The following CNGB1 variants were observed in gnomAD, a reference collection of about 807,000 sequenced individuals.
The protein encoded by CNGB1 is cyclic nucleotide-gated channel beta-1.
Under a neutral mutation model 151.7 loss-of-function variants are expected in CNGB1, and 126 were observed. The observed-to-expected ratio is 0.83, with a 90% CI of 0.72 to 0.96. The LOEUF is 0.96. Ranked by LOEUF, CNGB1 falls within the 40% of genes least tolerant of loss-of-function variation. The pLI, the probability that CNGB1 is intolerant of heterozygous loss-of-function variation, is 0.00. For missense variants in CNGB1, 1,698 were observed against 1,627.0 expected (o/e 1.04, Z -0.75); for synonymous variants, 623 against 635.1 (o/e 0.98, Z 0.29).
In CNGB1 at chr16:57,903,869, C is replaced by A; in HGVS notation, c.2747G>T (p.Arg916Leu). Residue 916 changes from arginine to leucine, a missense_variant, in exon 27 of 33, where the codon CGC becomes CTC. By Grantham distance (102) the Arg-to-Leu change is moderately radical. Transcript: ENST00000251102. ...GGTGTACTCGTACCAGGTCTTGACG[C>A]GGTTCTGCACGGACTTGGGGATCTT... ...FYKIPKSVQNRVKTWYEYTWH... is the reference protein window; with the variant it reads ...FYKIPKSVQNLVKTWYEYTWH... 5.0e-6 allele frequency: 8 copies of A among 1,614,194 alleles called. No homozygotes were observed. Among genetic ancestry groups the A allele is most frequent in the Non-Finnish European group, 6.8e-6 (8 of 1,180,038 alleles).
chr16:57,901,761 T>C, intron 27 of CNGB1, 136 bp from the exon 28 acceptor site: 3 of 733,738 alleles, frequency 4.1e-6, no homozygotes, highest in South Asian at 1.5e-5. Flanking sequence ...GGATTTGTAG[T>C]GCACCCTCTC....
In CNGB1 at chr16:57,903,856, C is replaced by T. The variant is rs776312649; in HGVS notation, c.2760G>A (p.Trp920Ter). The change falls in exon 27 of 33, where the codon TGG becomes TGA. Residue 920 changes from tryptophan to a stop codon, truncating the protein, a stop_gained. Transcript: ENST00000251102. LOFTEE classifies it high-confidence loss of function. ...PKSVQNRVKTWYEYTWHSQGM... is the reference protein window; with the variant it reads ...PKSVQNRVKT ...CTTGCGAGTGCCAGGTGTACTCGTA[C>T]CAGGTCTTGACGCGGTTCTGCACGG... 5.0e-6 allele frequency: 8 copies of T among 1,614,156 alleles called. No individual in the cohort carries two copies. The highest frequency in any genetic ancestry group is 1.7e-5 in the Admixed American group (1 of 60,024).
chr16:57,947,862 C>G (rs1402675241), intron 14 of CNGB1, among the ~76,000 whole-genome samples: 2 of 152,214 alleles, frequency 1.3e-5, no homozygotes, highest in African/African-American at 4.8e-5. Context: ...TCTGCAGGAG[C>G]CTTTTATTAT....
At chr16:57,970,095 C>T (rs1273697055) in intron 1 of CNGB1, among the ~76,000 whole-genome samples, 3 of 152,324 alleles carry the variant, frequency 2.0e-5, no homozygotes, top group Non-Finnish European at 4.4e-5. Context: ...GCCTCTCCCA[C>T]GAGAGGCTGT....
At chr16:57,914,452 T>G (rs1960809191) in intron 23 of CNGB1, among the ~76,000 whole-genome samples, 1 of 152,240 alleles carries the variant, frequency 6.6e-6, no homozygotes, top group Non-Finnish European at 1.5e-5. Flanking sequence ...CCCCCTAGTT[T>G]TCTCTGCCCT....
Position 57,913,061 on chromosome 16 carries a change from G to T in CNGB1, c.2305-67C>A, listed in dbSNP as rs1960775770. 17 of 1,500,214 alleles carry T rather than the reference G, an allele frequency of 1.1e-5. No individual in the cohort carries two copies. The South Asian group carries it at 1.6e-4, about 14-fold the overall frequency. The allele number at this position is 1,500,214 out of a possible 1,614,324, so 92.9% of individuals were successfully genotyped here. A position where few individuals can be genotyped will look rare whatever the true frequency, so the allele number is the denominator to read the frequency against. On this transcript the variant is annotated intron_variant, in intron 23 of 32. Coordinates refer to ENST00000251102, the MANE Select transcript of CNGB1 (RefSeq NM_001297.5). Reference sequence around the variant, plus strand: ...GGTAGCATGCTGCTCCCACGCCCACGGGCGCCGAGACTCAGGGCTCTTCCT... The same window carrying T: ...GGTAGCATGCTGCTCCCACGCCCACTGGCGCCGAGACTCAGGGCTCTTCCT...
rs35424571 is a variant in CNGB1 at position 57,919,106 on chromosome 16, C to T, written c.1950G>A (p.Pro650=). ...KKYQFPQSID[P]LTNLMYVLWL... is the part of the protein sequence containing the mutation. ...CCATTCCCCAGGACTCACTGGTCAG[C>T]GGGTCAATGCTCTGGGGAAACTGGT... Residue 650 remains proline, a synonymous_variant, in exon 20 of 33, where the codon CCG becomes CCA. Coordinates refer to ENST00000251102, the MANE Select transcript of CNGB1 (RefSeq NM_001297.5). 1.2e-5 allele frequency: 19 copies of T among 1,614,140 alleles called. No homozygotes were observed. The highest frequency in any genetic ancestry group is 4.5e-5 in the East Asian group (2 of 44,868).
At chr16:57,956,271 G>A (rs575112044) in intron 12 of CNGB1, among the ~76,000 whole-genome samples, 1 of 152,276 alleles carries the variant, frequency 6.6e-6, no homozygotes, top group East Asian at 1.9e-4. Flanking sequence ...TCTGCCCACT[G>A]CCTGCCCCAA....
At chr16:57,914,220 C>A (rs1446326835) in intron 23 of CNGB1, among the ~76,000 whole-genome samples, 1 of 152,306 alleles carries the variant, frequency 6.6e-6, no homozygotes, top group South Asian at 2.1e-4. Flanking sequence ...ATGGATCTCA[C>A]CTCTGCGTCT....
chr16:57,931,973 G>A (rs1961367088), intron 16 of CNGB1, 95 bp from the exon 17 acceptor site: 2 of 1,333,850 alleles, frequency 1.5e-6, no homozygotes, highest in East Asian at 2.3e-5. Context: ...GAGAAAGCAT[G>A]TTTGGAGGGG....
chr16:57,962,422 G>A (rs1007786836), intron 7 of CNGB1, 143 bp downstream of exon 7: 27 of 785,492 alleles, frequency 3.4e-5, no homozygotes, highest in Non-Finnish European at 5.2e-5. Flanking sequence ...CCCATTCTAT[G>A]GCTGGAAACA....
rs1482337190 is a variant in CNGB1, at chr16:57,923,506, T to C, written c.1536-126A>G. 7 of 767,572 alleles carry C rather than the reference T, an allele frequency of 9.1e-6. No homozygotes were observed. The East Asian group carries it at 1.8e-4, about 19-fold the overall frequency. 47.5% of individuals were successfully genotyped at this position (767,572 alleles called of 1,614,324 possible). On this transcript the variant is annotated intron_variant, in intron 17 of 32. Transcript: ENST00000251102. ...TAGATAGAGGATGGGGGGCGGAGCA[T>C]GAACTTCTGAGTCCTCATTTGCCTG...
At chr16:57,923,923 A>G (rs1299151429) in intron 17 of CNGB1, among the ~76,000 whole-genome samples, 1 of 152,116 alleles carries the variant, frequency 6.6e-6, no homozygotes, top group African/African-American at 2.4e-5. Flanking sequence ...TCCCCTCCTG[A>G]GCCCCAGGCT....
intron 25 of CNGB1, among the ~76,000 whole-genome samples, chr16:57,906,584 C>A (rs1341873875): frequency 6.6e-6 from 1 of 152,182 alleles, no homozygotes; most frequent in African/African-American, 2.4e-5. Flanking sequence ...GTTTCAGAAC[C>A]CAAAACGGGC....
chr16:57,939,480 G>T lies in CNGB1; in HGVS notation c.1322C>A (p.Ala441Glu), dbSNP rs376374823. Residue 441 changes from alanine to glutamate, a missense_variant, in exon 16 of 33, where the codon GCG becomes GAG. Coordinates refer to ENST00000251102, the MANE Select transcript of CNGB1 (RefSeq NM_001297.5). ...AGCCTCAGGCTCCTCCTTGGTCTCC[G>T]CCCAGTCCTGGGGCTCCTTTTCAGC... The part of the protein sequence containing the change: ...EEAEKEPQDW[A>E]ETKEEPEAEA... The T allele has an allele frequency of 6.2e-7, 1 of 1,613,928 alleles. No homozygotes were observed. Among genetic ancestry groups the T allele is most frequent in the Non-Finnish European group, 8.5e-7 (1 of 1,179,990 alleles).
intron 1 of CNGB1, among the ~76,000 whole-genome samples, chr16:57,969,070 T>C (rs1597019906): frequency 6.6e-6 from 1 of 150,976 alleles, no homozygotes; most frequent in South Asian, 2.1e-4. Context: ...CTTTGGGAGG[T>C]GAAGGCAGGC....
chr16:57,949,877 T>A (rs1385198491), intron 13 of CNGB1, among the ~76,000 whole-genome samples: 6 of 152,350 alleles, frequency 3.9e-5, no homozygotes, highest in Middle Eastern at 3.4e-3. Flanking sequence ...TCTAGAAATC[T>A]CCTGCAGACG....
At chr16:57,896,244 C>T (rs1305569405) in intron 31 of CNGB1, among the ~76,000 whole-genome samples, 1 of 152,144 alleles carries the variant, frequency 6.6e-6, no homozygotes, top group African/African-American at 2.4e-5. Context: ...GAAACCTTAA[C>T]CAAGTAATCA....
intron 17 of CNGB1, among the ~76,000 whole-genome samples, chr16:57,924,413 G>A (rs1314336971): frequency 6.6e-6 from 1 of 152,106 alleles, no homozygotes; most frequent in Non-Finnish European, 1.5e-5. Flanking sequence ...ACTCCGCCCA[G>A]GCCAATATCT....
Sources: gnomAD v4.1 joint callset for allele counts (sites outside exome capture counted in the v4.1 genomes callset) on GRCh38, gnomAD v4.1.1 for gene constraint, MANE v1.5 for transcripts, NCBI Gene and HGNC (gene_info 2026-07-23, HGNC 2026-07-21) for gene names.